The following LRRC40 variants were observed in gnomAD, a reference collection of about 807,000 sequenced individuals.
The protein encoded by LRRC40 is leucine rich repeat containing 40.
Under a neutral mutation model 72.8 loss-of-function variants are expected in LRRC40, and 76 were observed. The observed-to-expected ratio is 1.04, with a 90% CI of 0.87 to 1.26. The LOEUF (loss-of-function observed/expected upper bound fraction) is 1.26. LRRC40 is among the 50% of genes most tolerant of loss of function. The probability of loss-of-function intolerance (pLI) is 0.00; values close to 1 mark genes in which losing one functional copy is unlikely to be tolerated. For synonymous variants in LRRC40, 243 were observed against 254.2 expected (o/e 0.96, Z 0.42); for missense variants, 684 against 698.9 (o/e 0.98, Z 0.24).
chr1:70,175,661 T>A, intron 7 of LRRC40, 149 bp downstream of exon 7: 2 of 559,496 alleles, frequency 3.6e-6, no homozygotes, highest in Non-Finnish European at 6.0e-6. Context: ...ACCTAATTAA[T>A]CTTTATCTGT....
At chr1:70,191,856 A>G (rs889976188) in intron 1 of LRRC40, among the ~76,000 whole-genome samples, 1 of 152,180 alleles carries the variant, frequency 6.6e-6, no homozygotes, top group Admixed American at 6.5e-5. Flanking sequence ...AAAATTTCAA[A>G]CATATACATA....
chr1:70,158,600 TTTTTGGCTTTGTCTCAATTTATATACTA>T (rs1308992135), intron 10 of LRRC40, among the ~76,000 whole-genome samples: 26 of 152,182 alleles, frequency 1.7e-4, no homozygotes, highest in African/African-American at 6.3e-4. Context: ...TATTTAAAAT[TTTTTGGCTTTGTCTCAATTTATATACTA>T]ACATTGTAAT....
chr1:70,184,705 A>G, intron 4 of LRRC40, 80 bp downstream of exon 4: 3 of 1,314,716 alleles, frequency 2.3e-6, no homozygotes, highest in Non-Finnish European at 3.1e-6. Context: ...CACAGTTTCA[A>G]TCATCTATCT....
At chr1:70,203,930 T>C (rs3753817) in intron 1 of LRRC40, among the ~76,000 whole-genome samples, 15,143 of 152,254 alleles carry the variant, frequency 0.099, 895 homozygotes, top group East Asian at 0.3. Context: ...AAGCTACAAA[T>C]ACCATGAGTT....
chr1:70,177,633 G>A (rs1668138033), intron 6 of LRRC40, among the ~76,000 whole-genome samples: 1 of 152,192 alleles, frequency 6.6e-6, no homozygotes, highest in Non-Finnish European at 1.5e-5. Context: ...GAAAAGTCAT[G>A]ACATTACAAG....
chr1:70,164,704 CTT>C (rs1275269396), intron 9 of LRRC40, among the ~76,000 whole-genome samples: 1 of 151,936 alleles, frequency 6.6e-6, no homozygotes, highest in Non-Finnish European at 1.5e-5. Flanking sequence ...TTACAAGGGT[CTT>C]TTTTTTAAAT....
chr1:70,173,526 C>CA lies in LRRC40; in HGVS notation c.1066-17dup, dbSNP rs771249174. On this transcript the variant is annotated splice_polypyrimidine_tract_variant and intron_variant, in intron 8 of 14. Transcript: ENST00000370952. ...GTGTTCCTTTCTAGAAGGGTGGAGA[C>CA]AAAGACATTCACCAAGACATGCTTT... 1 of 1,598,072 alleles carries CA rather than the reference C, an allele frequency of 6.3e-7. No homozygotes were observed. Among genetic ancestry groups the CA allele is most frequent in the Non-Finnish European group, 8.6e-7 (1 of 1,166,354 alleles).
At chr1:70,169,904 A>T (rs1667964812) in intron 9 of LRRC40, among the ~76,000 whole-genome samples, 2 of 152,222 alleles carry the variant, frequency 1.3e-5, no homozygotes, top group African/African-American at 4.8e-5. Flanking sequence ...AATAGGAGGG[A>T]ACATTTCCCA....
At chr1:70,179,696 C>T (rs374716281) in intron 5 of LRRC40, among the ~76,000 whole-genome samples, 1 of 151,970 alleles carries the variant, frequency 6.6e-6, no homozygotes, top group African/African-American at 2.4e-5. Context: ...TCCTATCTCT[C>T]AAGATATTTC....
chr1:70,175,390 C>A (rs1368760893), intron 7 of LRRC40, among the ~76,000 whole-genome samples: 1 of 152,130 alleles, frequency 6.6e-6, no homozygotes, highest in Non-Finnish European at 1.5e-5. Flanking sequence ...GATTCTGATT[C>A]ATTAGCGTCC....
At chr1:70,160,501 C>T (rs1398054892) in intron 9 of LRRC40, among the ~76,000 whole-genome samples, 2 of 152,102 alleles carry the variant, frequency 1.3e-5, no homozygotes, top group Non-Finnish European at 1.5e-5. Flanking sequence ...AGTTAATGCT[C>T]TAGTAGTAGT....
chr1:70,189,160 T>C lies in LRRC40; in HGVS notation c.265A>G (p.Ile89Val), dbSNP rs758723638. The change falls in exon 2 of 15, where the codon ATA becomes GTA. Residue 89 changes from isoleucine to valine, a missense_variant. Transcript: ENST00000370952. ...AGTGACTGAAGTTTATTGTTTGATATTATTAGTTTGGTCAAATCTGTCTGC... is the reference window on the plus strand; with the variant it reads ...AGTGACTGAAGTTTATTGTTTGATACTATTAGTTTGGTCAAATCTGTCTGC... ...WEQTDLTKLI[I>V]SNNKLQSLTD... 6.2e-7 allele frequency: 1 copy of C among 1,613,780 alleles called. No homozygotes were observed. Among genetic ancestry groups the C allele is most frequent in the Non-Finnish European group, 8.5e-7 (1 of 1,179,942 alleles).
At chr1:70,190,571 A>G (rs182779161) in intron 1 of LRRC40, among the ~76,000 whole-genome samples, 1 of 149,736 alleles carries the variant, frequency 6.7e-6, no homozygotes, top group Admixed American at 6.7e-5. Flanking sequence ...ACTACTTGGG[A>G]GCCTGAGGCA....
intron 5 of LRRC40, 79 bp from the exon 6 acceptor site, chr1:70,179,072 G>GT (rs1403351502): frequency 1.3e-6 from 1 of 791,794 alleles, no homozygotes; most frequent in Non-Finnish European, 1.9e-6. Flanking sequence ...TAAAGAATGT[G>GT]TAAGAAATCG....
chr1:70,205,418 T>C lies in LRRC40; in HGVS notation c.123A>G (p.Leu41=), dbSNP rs1668922509. 1 of 1,601,094 alleles carries C rather than the reference T, an allele frequency of 6.2e-7. No homozygotes were observed. The highest frequency in any genetic ancestry group is 8.5e-7 in the Non-Finnish European group (1 of 1,170,206). Residue 41 remains leucine (L), a synonymous_variant, in exon 1 of 15, where the codon TTA becomes TTG. Transcript: ENST00000370952. ...LLKAARKSGQ[L]NLSGRNLSEV... is the part of the protein sequence containing the mutation. ...CACTGAGGTTTCTACCCGACAGGTT[T>C]AACTGGCCGCTCTTCCTCGCTGCCT... is the stretch of plus-strand genomic sequence containing the variant.
At chr1:70,204,732 T>C (rs1465478227) in intron 1 of LRRC40, among the ~76,000 whole-genome samples, 2 of 145,188 alleles carry the variant, frequency 1.4e-5, no homozygotes, top group Non-Finnish European at 3.0e-5. Flanking sequence ...CTCTCTCTCT[T>C]ACACACACAC....
intron 3 of LRRC40, among the ~76,000 whole-genome samples, chr1:70,185,164 T>C (rs569149270): frequency 6.6e-6 from 1 of 152,294 alleles, no homozygotes; most frequent in South Asian, 2.1e-4. Context: ...ATAAATAATT[T>C]GTGATGTTTT....
At chr1:70,181,693 GA>G (rs1039113201) in intron 4 of LRRC40, among the ~76,000 whole-genome samples, 4 of 150,802 alleles carry the variant, frequency 2.7e-5, no homozygotes, top group Non-Finnish European at 3.0e-5. Context: ...AATTTTTGAG[GA>G]AAAAAAAATA....
chr1:70,192,617 TG>T (rs1458871739), intron 1 of LRRC40, among the ~76,000 whole-genome samples: 2 of 152,112 alleles, frequency 1.3e-5, no homozygotes, highest in Admixed American at 6.5e-5. Context: ...ATATACATCA[TG>T]GAATACTATG....
Sources: gnomAD v4.1 joint callset for allele counts (sites outside exome capture counted in the v4.1 genomes callset) on GRCh38, gnomAD v4.1.1 for gene constraint, MANE v1.5 for transcripts, NCBI Gene and HGNC (gene_info 2026-07-23, HGNC 2026-07-21) for gene names.